Variants in CPT1A observed in about 807,000 individuals in gnomAD.
The protein encoded by CPT1A is carnitine palmitoyltransferase 1A.
A neutral mutation model predicts 100.8 loss-of-function variants in CPT1A; 64 were observed. The observed-to-expected ratio is 0.63, with a 90% CI of 0.52 to 0.78. CPT1A has a LOEUF of 0.78. CPT1A is among the 30% of genes least tolerant of loss of function. CPT1A has a pLI of 0.00. For missense variants in CPT1A, 802 were observed against 1,034.1 expected (o/e 0.78, Z 3.08); for synonymous variants, 363 against 396.0 (o/e 0.92, Z 0.99).
At chr11:68,778,397 T>A (rs1470109414) in intron 12 of CPT1A, among the ~76,000 whole-genome samples, 4 of 152,138 alleles carry the variant, frequency 2.6e-5, no homozygotes, top group Non-Finnish European at 5.9e-5. Flanking sequence ...GGCACCAGAA[T>A]TTGTTTATCT....
chr11:68,758,993 T>A (rs1206091648), intron 18 of CPT1A, among the ~76,000 whole-genome samples: 2 of 152,154 alleles, frequency 1.3e-5, no homozygotes, highest in Non-Finnish European at 2.9e-5. Context: ...CTGAAGCCTG[T>A]AATCCCAACA....
At chr11:68,776,860 G>A (rs922255969) in intron 12 of CPT1A, among the ~76,000 whole-genome samples, 3 of 152,154 alleles carry the variant, frequency 2.0e-5, no homozygotes, top group African/African-American at 7.2e-5. Flanking sequence ...GGATTTTAAG[G>A]TATGTGACTT....
At chr11:68,843,978 G>A (rs954236926), upstream of CPT1A, among the ~76,000 whole-genome samples, 1 of 152,226 alleles carries the variant, frequency 6.6e-6, no homozygotes, top group Non-Finnish European at 1.5e-5. This position sits in a 1 kb window ranked among gnomAD's most constrained non-coding sequence, Gnocchi z 4.0. Flanking sequence ...CTCGCTCAGC[G>A]CCCCGGTGCG....
intron 3 of CPT1A, 54 bp from the exon 4 acceptor site, chr11:68,807,692 C>T: frequency 6.4e-7 from 1 of 1,572,454 alleles, no homozygotes; most frequent in Non-Finnish European, 8.7e-7. Flanking sequence ...CACGGTGCCA[C>T]CAACACCACC....
intron 2 of CPT1A, 30 bp from the exon 3 acceptor site, chr11:68,812,606 T>G (rs1594360733): frequency 1.9e-6 from 3 of 1,613,312 alleles, no homozygotes; most frequent in Non-Finnish European, 2.5e-6. Flanking sequence ...CCGTGAGCGG[T>G]GTCCTCCCAC....
intron 5 of CPT1A, among the ~76,000 whole-genome samples, chr11:68,802,490 C>G (rs6591355): frequency 0.053 from 7,921 of 149,232 alleles, 681 homozygotes; most frequent in African/African-American, 0.18. Context: ...CCAGTACTTT[C>G]GGAGGCCGAG....
upstream of CPT1A, chr11:68,841,994 G>A (rs1857172400): frequency 2.0e-6 from 2 of 983,304 alleles, no homozygotes; most frequent in Non-Finnish European, 2.4e-6. The surrounding 1 kb of genome is among the most constrained non-coding windows in gnomAD (Gnocchi z 6.3). Flanking sequence ...GGCCTCGGCG[G>A]GGCGGGGCGT....
intron 2 of CPT1A, 110 bp from the exon 3 acceptor site, chr11:68,812,686 G>T: frequency 7.6e-7 from 1 of 1,323,374 alleles, no homozygotes; most frequent in Non-Finnish European, 1.1e-6. Context: ...AGTGAGAAGA[G>T]GGTGTGGACA....
chr11:68,816,458 A>G (rs1856391040), intron 1 of CPT1A, among the ~76,000 whole-genome samples: 1 of 152,302 alleles, frequency 6.6e-6, no homozygotes, highest in Middle Eastern at 3.4e-3. Context: ...ACCCAAGCAC[A>G]GCCCCTGGGG....
chr11:68,786,120 A>C, intron 9 of CPT1A: 1 of 697,754 alleles, frequency 1.4e-6, no homozygotes, highest in Non-Finnish European at 2.6e-6. Context: ...CCAGCACTTC[A>C]GGAGGCCAAG....
intron 1 of CPT1A, chr11:68,839,722 G>A: frequency 2.0e-6 from 2 of 985,406 alleles, no homozygotes; most frequent in Non-Finnish European, 2.4e-6. Flanking sequence ...GAAAACTGAC[G>A]GTGTTTTTAT....
intron 18 of CPT1A, 111 bp downstream of exon 18, chr11:68,759,456 TAA>T: frequency 1.3e-6 from 1 of 783,844 alleles, no homozygotes; most frequent in Non-Finnish European, 2.2e-6. Context: ...CGAAATCAAG[TAA>T]AAGCAGGCAG....
At chr11:68,765,187 T>C (rs1854758694) in intron 14 of CPT1A, among the ~76,000 whole-genome samples, 1 of 152,178 alleles carries the variant, frequency 6.6e-6, no homozygotes, top group Admixed American at 6.5e-5. Flanking sequence ...AAAGCGGAAA[T>C]GTGGCATTTT....
At chr11:68,836,919 T>G (rs182413163) in intron 1 of CPT1A, among the ~76,000 whole-genome samples, 196 of 152,204 alleles carry the variant, frequency 1.3e-3, no homozygotes, top group Middle Eastern at 3.4e-3. Flanking sequence ...CTCCATGTAT[T>G]AAATCTTTTT....
At chr11:68,798,609 C>T (rs766646942) in intron 6 of CPT1A, among the ~76,000 whole-genome samples, 14 of 145,504 alleles carry the variant, frequency 9.6e-5, no homozygotes, top group Admixed American at 2.0e-4. Flanking sequence ...CTGGGACCAC[C>T]GAGCCACACT....
At chr11:68,785,477 C>G (rs946684523) in intron 9 of CPT1A, among the ~76,000 whole-genome samples, 28 of 150,228 alleles carry the variant, frequency 1.9e-4, no homozygotes, top group Admixed American at 6.7e-5. Flanking sequence ...AGGAGAATCG[C>G]TTGAAACCAG....
intron 5 of CPT1A, among the ~76,000 whole-genome samples, chr11:68,803,411 T>C (rs569806250): frequency 1.2e-3 from 177 of 152,240 alleles, no homozygotes; most frequent in African/African-American, 3.9e-3. Flanking sequence ...TTAGTAATTA[T>C]GTAAAGTAGC....
At chr11:68,817,887 C>T (rs1324496878) in intron 1 of CPT1A, among the ~76,000 whole-genome samples, 2 of 149,870 alleles carry the variant, frequency 1.3e-5, no homozygotes, top group African/African-American at 4.9e-5. Flanking sequence ...TGGGGTCAAG[C>T]ACAGGTGGCT....
At chr11:68,808,065 C>G (rs573810625) in intron 3 of CPT1A, among the ~76,000 whole-genome samples, 7 of 152,372 alleles carry the variant, frequency 4.6e-5, no homozygotes, top group Non-Finnish European at 1.0e-4. Flanking sequence ...CCCTGCCGAC[C>G]TGTGCGTCCC....
Sources: gnomAD v4.1 joint callset for allele counts (sites outside exome capture counted in the v4.1 genomes callset) on GRCh38, gnomAD v4.1.1 for gene constraint, Gnocchi (gnomAD v3.1) non-coding constraint, MANE v1.5 for transcripts, NCBI Gene and HGNC (gene_info 2026-07-23, HGNC 2026-07-21) for gene names.